CDK12: variants seen among roughly 807,000 people sequenced by gnomAD.
CDK12 encodes the protein cyclin-dependent kinase 12.
In CDK12, 17 loss-of-function variants were observed where a neutral mutation model predicts 133.8. The ratio of observed to expected loss-of-function variants is 0.13; its 90% CI spans 0.09 to 0.19. The LOEUF is 0.19. Ranked by LOEUF, CDK12 falls within the 10% of genes least tolerant of loss-of-function variation. The pLI, the probability that CDK12 is intolerant of heterozygous loss-of-function variation, is 1.00. For missense variants in CDK12, 1,508 were observed against 1,818.7 expected, an observed-to-expected ratio of 0.83 and a Z score of 3.11; for synonymous variants, 694 against 683.6, an observed-to-expected ratio of 1.02 and a Z score of -0.24.
chr17:39,506,057 G>A (rs2053099737), intron 6 of CDK12, among the ~76,000 whole-genome samples: 1 of 152,094 alleles, frequency 6.6e-6, no homozygotes, highest in African/African-American at 2.4e-5. Context: ...ATGGATTAGA[G>A]CATTAAGGAG....
chr17:39,530,330 AAAGG>A, intron 13 of CDK12: 1 of 361,584 alleles, frequency 2.8e-6, no homozygotes, highest in Non-Finnish European at 5.0e-6. Context: ...ACAGTTCTTT[AAAGG>A]AAGGAAATGG....
upstream of CDK12, among the ~76,000 whole-genome samples, chr17:39,544,649 T>TA (rs1491287840): frequency 1.1e-4 from 9 of 82,070 alleles, no homozygotes; most frequent in East Asian, 6.9e-4. Flanking sequence ...TTTTTTTTTT[T>TA]ATGGAGTTTT....
rs755902248 is a variant in CDK12 at position 39,462,451 on chromosome 17, A to C, written c.380A>C (p.Gln127Pro). 16 of 1,614,020 alleles carry C rather than the reference A, an allele frequency of 9.9e-6. No homozygotes were observed. The highest frequency in any genetic ancestry group is 3.3e-5 in the Admixed American group (2 of 59,980). ...TCCCGGGACTTACTAAAAGCTAAAC[A>C]GACCGAAAAAGAAAAAAGCCAAGAA... ...RRSRDLLKAK[Q>P]TEKEKSQEVS... The change falls in exon 1 of 14, where the codon CAG (glutamine) becomes CCG (proline). Residue 127 changes from glutamine (Q) to proline (P), a missense_variant. Physicochemically the swap from Gln to Pro is moderately conservative, Grantham distance 76. Transcript: ENST00000447079.
chr17:39,500,256 A>G (rs2052620110), intron 5 of CDK12, among the ~76,000 whole-genome samples: 1 of 152,144 alleles, frequency 6.6e-6, no homozygotes, highest in Admixed American at 6.6e-5. Context: ...GCTTGAGCCC[A>G]GGAGTTTGAG....
Position 39,526,164 on chromosome 17 carries a change from C to T in CDK12, c.3608C>T (p.Pro1203Leu). Residue 1203 changes from proline to leucine, a missense_variant, in exon 13 of 14, where the codon CCA becomes CTA. Pro to Leu is a moderately conservative substitution (Grantham distance 98). This residue lies in a region of CDK12 where 399 missense variants were observed against 469.6 expected (regional missense o/e 0.85). Transcript: ENST00000447079. ...EQTTLEASST[P>L]ADMQNILAVL... ...ACGACCCTTGAAGCTTCAAGCACAC[C>T]AGCTGACATGCAGAATATATTGGCA... 1 of 1,614,158 alleles carries T rather than the reference C, an allele frequency of 6.2e-7. No homozygotes were observed. Among genetic ancestry groups the T allele is most frequent in the Non-Finnish European group, 8.5e-7 (1 of 1,180,028 alleles).
At chr17:39,519,852 C>T in intron 10 of CDK12, 104 bp from the exon 11 acceptor site, 1 of 1,403,996 alleles carries the variant, frequency 7.1e-7, no homozygotes. Flanking sequence ...CCTTGGCCTC[C>T]CAAAGTGCTG....
At chr17:39,498,922 T>C (rs1174365251) in intron 5 of CDK12, among the ~76,000 whole-genome samples, 6 of 14 alleles carry the variant, frequency 0.43, 1 homozygote, top group African/African-American at 0.5. Flanking sequence ...TTTCTTTCTT[T>C]CTTTCTTTCT....
At position 39,462,507 on chromosome 17, in the gene CDK12, C is replaced by T. The variant is rs1203368750; in HGVS notation, c.436C>T (p.Arg146Trp). Residue 146 changes from arginine to tryptophan, a missense_variant, in exon 1 of 14, where the codon CGG becomes TGG. By Grantham distance (101) the Arg-to-Trp change is moderately radical (BLOSUM62 -3). Coordinates refer to ENST00000447079, the MANE Select transcript of CDK12 (RefSeq NM_016507.4). ...CAGCAAGTCGGGATCGATGAAGGAC[C>T]GGATATCGGGAAGTTCAAAGCGTTC... ...VSSKSGSMKD[R>W]ISGSSKRSNE... is the part of the protein sequence containing the mutation. 1.2e-6 allele frequency: 2 copies of T among 1,614,002 alleles called. No homozygotes were observed. Among genetic ancestry groups the T allele is most frequent in the Non-Finnish European group, 1.7e-6 (2 of 1,180,006 alleles).
chr17:39,477,735 G>A (rs2145420725), intron 2 of CDK12, among the ~76,000 whole-genome samples: 1 of 151,688 alleles, frequency 6.6e-6, no homozygotes, highest in East Asian at 1.9e-4. Flanking sequence ...ACCACGCCCA[G>A]CTAATTTTTT....
Position 39,509,763 on chromosome 17 carries a change from T to TAAGG in CDK12, c.2666+3_2666+6dup. ...TCGGCTCTATAACTCTGAAGAGAGG[T>TAAGG]AAGGCATTAATTAAAATTACATGTG... On this transcript the variant is annotated splice_region_variant and intron_variant, in intron 7 of 13. Coordinates refer to ENST00000447079, the MANE Select transcript of CDK12 (RefSeq NM_016507.4). 6.2e-7 allele frequency: 1 copy of TAAGG among 1,601,386 alleles called. No individual in the cohort carries two copies. Among genetic ancestry groups the TAAGG allele is most frequent in the Middle Eastern group, 1.7e-4 (1 of 6,038 alleles).
At chr17:39,479,970 C>T (rs886612187) in intron 2 of CDK12, among the ~76,000 whole-genome samples, 2 of 148,484 alleles carry the variant, frequency 1.3e-5, no homozygotes, top group African/African-American at 5.0e-5. Flanking sequence ...GTTGCCCAGG[C>T]TGGAGTGCAA....
At chr17:39,530,456 A>C in intron 13 of CDK12, 148 bp from the exon 14 acceptor site, 5 of 1,122,934 alleles carry the variant, frequency 4.5e-6, no homozygotes, top group Non-Finnish European at 4.9e-6. Flanking sequence ...ATTTATTTAT[A>C]ATTGCAATTT....
chr17:39,552,056 C>T (rs894497941), intron 2 of CDK12, among the ~76,000 whole-genome samples: 1 of 152,204 alleles, frequency 6.6e-6, no homozygotes, highest in African/African-American at 2.4e-5. Flanking sequence ...TTTTATATCC[C>T]CAAATCCCCT....
intron 4 of CDK12, among the ~76,000 whole-genome samples, chr17:39,494,001 CAAAA>C (rs1208632399): frequency 6.6e-6 from 1 of 151,782 alleles, no homozygotes; most frequent in Non-Finnish European, 1.5e-5. Context: ...ATCTCAAAAA[CAAAA>C]AATTCAAGTC....
chr17:39,501,638 T>G (rs1359277917), intron 6 of CDK12, among the ~76,000 whole-genome samples, 199 bp downstream of exon 6: 1 of 152,226 alleles, frequency 6.6e-6, no homozygotes, highest in Admixed American at 6.5e-5. Flanking sequence ...TTACCAGCTT[T>G]CTGAGTAAAC....
At chr17:39,475,873 T>C (rs2145350146) in intron 2 of CDK12, among the ~76,000 whole-genome samples, 1 of 152,074 alleles carries the variant, frequency 6.6e-6, no homozygotes, top group Non-Finnish European at 1.5e-5. Flanking sequence ...TGGAAAAAAT[T>C]AACTTGAGGT....
chr17:39,539,007 G>GT, downstream of CDK12, among the ~76,000 whole-genome samples: 1 of 152,184 alleles, frequency 6.6e-6, no homozygotes, highest in Non-Finnish European at 1.5e-5. Context: ...GGTAGACCAC[G>GT]TTTTTCTCTC....
chr17:39,555,606 C>A (rs2056124346), intron 2 of CDK12, among the ~76,000 whole-genome samples: 1 of 151,770 alleles, frequency 6.6e-6, no homozygotes, highest in Non-Finnish European at 1.5e-5. Flanking sequence ...CATCACCTGG[C>A]CCTGGGTATA....
At chr17:39,525,350 T>A (rs1309125585) in intron 12 of CDK12, among the ~76,000 whole-genome samples, 1 of 152,248 alleles carries the variant, frequency 6.6e-6, no homozygotes, top group Non-Finnish European at 1.5e-5. Flanking sequence ...TGAACTGTTA[T>A]AACAAAGTAG....
Sources: gnomAD v4.1 joint callset for allele counts (sites outside exome capture counted in the v4.1 genomes callset) on GRCh38, gnomAD v4.1.1 for gene constraint, gnomAD v4.1.1 regional missense constraint, MANE v1.5 for transcripts, NCBI Gene and HGNC (gene_info 2026-07-23, HGNC 2026-07-21) for gene names.